The following PRELID2 variants were observed in gnomAD, a reference collection of about 807,000 sequenced individuals.
The protein encoded by PRELID2 is PRELI domain containing 2.
In PRELID2, 25 loss-of-function variants were observed where a neutral mutation model predicts 28.4. That is an observed-to-expected ratio of 0.88 (90% confidence interval 0.64 to 1.23). PRELID2 has a LOEUF of 1.23. PRELID2 is among the 50% of genes most tolerant of loss of function. The probability of loss-of-function intolerance (pLI) is 0.00; values close to 1 mark genes in which losing one functional copy is unlikely to be tolerated. For synonymous variants in PRELID2, 76 were observed against 71.6 expected, an observed-to-expected ratio of 1.06 and a Z score of -0.31; for missense variants, 201 against 214.4, an observed-to-expected ratio of 0.94 and a Z score of 0.39.
intron 1 of PRELID2, among the ~76,000 whole-genome samples, chr5:145,829,173 T>G (rs1755422971): frequency 6.6e-6 from 1 of 152,068 alleles, no homozygotes; most frequent in Non-Finnish European, 1.5e-5. Context: ...AGTGCTTGGA[T>G]TATAGGCATG....
At chr5:145,361,397 C>T in the PRELID2 span, among the ~76,000 whole-genome samples, 1 of 152,172 alleles carries the variant, frequency 6.6e-6, no homozygotes, top group Non-Finnish European at 1.5e-5. Context: ...TTTCATGATG[C>T]TCCCCGAAAG....
At chr5:145,345,051 C>G in the PRELID2 span, among the ~76,000 whole-genome samples, 2 of 152,056 alleles carry the variant, frequency 1.3e-5, no homozygotes, top group Non-Finnish European at 2.9e-5. Context: ...CTAAACTTTA[C>G]ATGTGGTTTC....
chr5:145,365,007 T>C, the PRELID2 span, among the ~76,000 whole-genome samples: 2 of 152,004 alleles, frequency 1.3e-5, no homozygotes, highest in African/African-American at 4.8e-5. Context: ...ACTCTTGCTC[T>C]CTTTCTAGAG....
At chr5:145,542,987 G>C (rs538937411) in intron 1 of PRELID2, among the ~76,000 whole-genome samples, 1 of 152,018 alleles carries the variant, frequency 6.6e-6, no homozygotes, top group Non-Finnish European at 1.5e-5. Context: ...TACCAAGCAA[G>C]CTGTGTACAA....
chr5:145,490,053 T>C (rs1244030828), intron 1 of PRELID2, among the ~76,000 whole-genome samples: 1 of 152,180 alleles, frequency 6.6e-6, no homozygotes, highest in African/African-American at 2.4e-5. Context: ...CCCAATTTCT[T>C]TCTCAGTATT....
intron 1 of PRELID2, among the ~76,000 whole-genome samples, chr5:145,699,617 G>T (rs1445560510): frequency 1.3e-5 from 2 of 152,124 alleles, no homozygotes; most frequent in East Asian, 3.9e-4. Flanking sequence ...ATTTCAGTTT[G>T]TGTGACACTG....
intron 1 of PRELID2, among the ~76,000 whole-genome samples, chr5:145,638,834 A>G (rs1754046896): frequency 6.6e-6 from 1 of 152,266 alleles, no homozygotes; most frequent in Non-Finnish European, 1.5e-5. Context: ...GCAGAGAAGA[A>G]AAATGGCGTG....
intron 4 of PRELID2, among the ~76,000 whole-genome samples, chr5:145,806,824 C>T (rs896854545): frequency 6.6e-5 from 10 of 152,110 alleles, no homozygotes; most frequent in African/African-American, 1.9e-4. Flanking sequence ...ATCTCTCTCC[C>T]GCCACCTTGT....
At chr5:145,743,966 C>T (rs1756915850) in intron 1 of PRELID2, among the ~76,000 whole-genome samples, 1 of 152,224 alleles carries the variant, frequency 6.6e-6, no homozygotes, top group African/African-American at 2.4e-5. Context: ...TCCATAGCCC[C>T]AGGCCATGCT....
chr5:145,597,585 A>T (rs1753327927), intron 1 of PRELID2, among the ~76,000 whole-genome samples: 1 of 152,174 alleles, frequency 6.6e-6, no homozygotes, highest in African/African-American at 2.4e-5. Context: ...GATACTTCAA[A>T]TGAACTTATG....
the PRELID2 span, among the ~76,000 whole-genome samples, chr5:145,331,598 C>CT: frequency 6.6e-5 from 10 of 151,874 alleles, no homozygotes; most frequent in South Asian, 4.2e-4. Context: ...ACAACCCCTC[C>CT]TTTTTTTTGC....
the PRELID2 span, among the ~76,000 whole-genome samples, chr5:145,251,064 C>G: frequency 6.6e-6 from 1 of 151,952 alleles, no homozygotes; most frequent in East Asian, 1.9e-4. Flanking sequence ...CATAACTATC[C>G]ATAGTTGCTA....
At chr5:145,465,663 A>C in the PRELID2 span, among the ~76,000 whole-genome samples, 13 of 152,194 alleles carry the variant, frequency 8.5e-5, no homozygotes, top group African/African-American at 2.9e-4. Flanking sequence ...TTGTTGGAAG[A>C]ACTCTATGAG....
the PRELID2 span, chr5:145,337,991 G>T: frequency 6.6e-6 from 1 of 151,820 alleles, no homozygotes; most frequent in African/African-American, 2.4e-5. Context: ...CAATAAAGCT[G>T]GAGGGAAATA....
chr5:145,806,167 T>A (rs935999806), intron 4 of PRELID2, among the ~76,000 whole-genome samples: 4 of 152,188 alleles, frequency 2.6e-5, no homozygotes, highest in African/African-American at 9.6e-5. Flanking sequence ...TTATTGTAAC[T>A]TTTCTACTTT....
chr5:145,229,000 A>T, the PRELID2 span: 1 of 1,601,474 alleles, frequency 6.2e-7, no homozygotes. Context: ...TTCATTGAGG[A>T]TGTCAGCAGG....
At chr5:145,672,201 A>T (rs1754721274) in intron 1 of PRELID2, among the ~76,000 whole-genome samples, 2 of 152,126 alleles carry the variant, frequency 1.3e-5, no homozygotes, top group South Asian at 4.1e-4. Flanking sequence ...CTGAAGCACA[A>T]AAAGCTAGTC....
intron 5 of PRELID2, among the ~76,000 whole-genome samples, chr5:145,789,176 A>G (rs75252867): frequency 0.014 from 2,126 of 152,296 alleles, 62 homozygotes; most frequent in Admixed American, 0.071. Context: ...ACCACAAAAG[A>G]CCTCAAATAA....
the PRELID2 span, among the ~76,000 whole-genome samples, chr5:145,432,951 C>T: frequency 3.0e-4 from 46 of 152,174 alleles, no homozygotes; most frequent in African/African-American, 7.9e-4. Context: ...GGTAGCCTGA[C>T]GTAAATATCC....
Sources: gnomAD v4.1 joint callset for allele counts (sites outside exome capture counted in the v4.1 genomes callset) on GRCh38, gnomAD v4.1.1 for gene constraint, MANE v1.5 for transcripts, NCBI Gene and HGNC (gene_info 2026-07-23, HGNC 2026-07-21) for gene names.